The following NF1 variants were observed in gnomAD, a reference collection of about 807,000 sequenced individuals.
NF1 encodes the protein neurofibromin 1.
Under a neutral mutation model 325.7 loss-of-function variants are expected in NF1, and 122 were observed. The ratio of observed to expected loss-of-function variants is 0.37; its 90% CI spans 0.32 to 0.44. The LOEUF is 0.44. Ranked by LOEUF, NF1 falls within the 20% of genes least tolerant of loss-of-function variation. NF1 has a pLI of 1.00. For synonymous variants in NF1, 1,091 were observed against 1,186.0 expected (o/e 0.92, Z 1.65); for missense variants, 2,140 against 3,415.4 (o/e 0.63, Z 9.31).
At chr17:31,156,584 A>AT (rs937200622) in intron 2 of NF1, among the ~76,000 whole-genome samples, 2 of 152,120 alleles carry the variant, frequency 1.3e-5, no homozygotes, top group African/African-American at 2.4e-5. Flanking sequence ...ATGTGGATTG[A>AT]TTTTTTTATG....
At chr17:31,320,340 AT>A in intron 36 of NF1, 3 of 1,425,006 alleles carry the variant, frequency 2.1e-6, no homozygotes, top group East Asian at 2.4e-5. Flanking sequence ...GAGTCCTTTT[AT>A]TTAAAAAAAA....
intron 36 of NF1, chr17:31,304,097 T>A (rs111521319): frequency 1.7e-6 from 1 of 596,660 alleles, no homozygotes; most frequent in South Asian, 2.8e-5. Flanking sequence ...AAATAACTTT[T>A]TTTAAAAAAA....
At chr17:31,345,743 C>T (rs2854312) in intron 48 of NF1, 715,483 of 1,490,188 alleles carry the variant, frequency 0.48, 125,400 homozygotes, top group Middle Eastern at 0.52. Flanking sequence ...TAATGATGTC[C>T]GAGTTGGAGA....
At chr17:31,235,049 C>A (rs2067176862) in intron 27 of NF1, among the ~76,000 whole-genome samples, 1 of 152,014 alleles carries the variant, frequency 6.6e-6, no homozygotes, top group Non-Finnish European at 1.5e-5. Context: ...TCCTTGTGAC[C>A]CTAGCTTTGT....
chr17:31,247,018 A>G lies in NF1; in HGVS notation c.3975-1966A>G, dbSNP rs147650932. 9.5e-3 allele frequency among the ~76,000 whole-genome samples: 1,442 copies of G among 152,098 alleles called. 24 individuals carry two copies. Among genetic ancestry groups the G allele is most frequent in the African/African-American group, 0.033 (1,358 of 41,450 alleles). On this transcript the variant is annotated intron_variant, in intron 29 of 57. Coordinates refer to ENST00000358273, the MANE Select transcript of NF1 (RefSeq NM_001042492.3). ...TAGACCATGCCGGCCAACATGGTGA[A>G]ACCTTGTCTCTACTAAAAATACAAA...
intron 14 of NF1, among the ~76,000 whole-genome samples, chr17:31,220,154 A>G (rs2066897242): frequency 6.6e-6 from 1 of 152,192 alleles, no homozygotes; most frequent in Non-Finnish European, 1.5e-5. Context: ...TTATATTCCC[A>G]GTAACAACAT....
Position 31,215,775 on chromosome 17 carries a change from G to A in NF1, c.1527+1190G>A, listed in dbSNP as rs576366684. Among the ~76,000 whole-genome samples the A allele has an allele frequency of 1.7e-4, 26 of 152,252 alleles. 1 individual carries two copies. The South Asian group carries it at 5.4e-3, about 32-fold the overall frequency. ...TTCTTATCGTTTTGCTCAGTAACTG[G>A]CTTTTTAAAAAGTGTTAAGGTGCTT... On this transcript the variant is annotated intron_variant, in intron 13 of 57. Coordinates refer to ENST00000358273, the MANE Select transcript of NF1 (RefSeq NM_001042492.3).
chr17:31,106,043 CTT>C (rs1235416514), intron 1 of NF1, among the ~76,000 whole-genome samples: 4 of 152,172 alleles, frequency 2.6e-5, no homozygotes, highest in Non-Finnish European at 4.4e-5. Context: ...AGTGGTGACA[CTT>C]TTCTGTTGAC....
intron 1 of NF1, among the ~76,000 whole-genome samples, chr17:31,141,176 A>G (rs1488734656): frequency 1.3e-5 from 2 of 152,168 alleles, no homozygotes; most frequent in Non-Finnish European, 2.9e-5. Context: ...ACATCCCAAG[A>G]TATCAGCTTA....
At chr17:31,274,845 A>G (rs934008714) in intron 36 of NF1, among the ~76,000 whole-genome samples, 16 of 152,142 alleles carry the variant, frequency 1.1e-4, no homozygotes, top group African/African-American at 3.6e-4. Context: ...ACAACTCTTT[A>G]TTGATGCTTC....
At chr17:31,344,083 CTAAG>C (rs1555535546) in intron 48 of NF1, among the ~76,000 whole-genome samples, 2 of 152,014 alleles carry the variant, frequency 1.3e-5, no homozygotes, top group African/African-American at 2.4e-5. Flanking sequence ...CTGCAAATCA[CTAAG>C]TGTTATTTGA....
chr17:31,367,204 T>C, intron 57 of NF1: 1 of 1,304,500 alleles, frequency 7.7e-7, no homozygotes, highest in Non-Finnish European at 1.0e-6. Context: ...CTTGCTTTTT[T>C]TTCTTCCATT....
At chr17:31,345,835 T>C (rs2069962636) in intron 48 of NF1, 1 of 1,613,792 alleles carries the variant, frequency 6.2e-7, no homozygotes, top group East Asian at 2.2e-5. Flanking sequence ...ATCTGTGAAG[T>C]GGATCTAGTG....
At chr17:31,345,372 T>A in intron 48 of NF1, 2 of 1,142,968 alleles carry the variant, frequency 1.7e-6, no homozygotes, top group Non-Finnish European at 2.4e-6. Flanking sequence ...CTTAAAAGTC[T>A]CTCCTTCCCC....
At chr17:31,363,885 T>G (rs972971991) in intron 57 of NF1, among the ~76,000 whole-genome samples, 7 of 151,912 alleles carry the variant, frequency 4.6e-5, no homozygotes, top group Non-Finnish European at 8.8e-5. Flanking sequence ...GAATTACAAG[T>G]GCACACCACC....
At position 31,095,533 on chromosome 17, in the gene NF1, G is replaced by T. The variant is rs1911594352; in HGVS notation, c.60+164G>T. 5 of 686,188 alleles carry T rather than the reference G, an allele frequency of 7.3e-6. No homozygotes were observed. The East Asian group carries it at 1.4e-4, about 20-fold the overall frequency. 42.5% of individuals were successfully genotyped at this position (686,188 alleles called of 1,614,324 possible). ...GGGGGGATAAGTGGGGGTGGCCAAGGCGGGAGGTGAGGGGTAGGAGGGGAC... is the reference window on the plus strand; with the variant it reads ...GGGGGGATAAGTGGGGGTGGCCAAGTCGGGAGGTGAGGGGTAGGAGGGGAC... On this transcript the variant is annotated intron_variant, in intron 1 of 57. Transcript: ENST00000358273.
intron 36 of NF1, among the ~76,000 whole-genome samples, chr17:31,311,607 A>G (rs1476854527): frequency 2.0e-5 from 3 of 152,212 alleles, no homozygotes; most frequent in Middle Eastern, 3.2e-3. Flanking sequence ...ATCTTGTATC[A>G]TGATAGTGAC....
chr17:31,295,795 C>T (rs949350384), intron 36 of NF1: 1 of 1,614,094 alleles, frequency 6.2e-7, no homozygotes, highest in South Asian at 1.1e-5. Flanking sequence ...GAATTTGTGT[C>T]AAAGAATTAT....
intron 5 of NF1, among the ~76,000 whole-genome samples, chr17:31,173,489 G>C (rs890940005): frequency 1.2e-4 from 18 of 151,902 alleles, no homozygotes; most frequent in African/African-American, 3.9e-4. Context: ...CCAGCTACTC[G>C]GGTGGCCGAG....
Sources: allele counts gnomAD v4.1 joint callset (sites outside exome capture counted in the v4.1 genomes callset), GRCh38; gene constraint gnomAD v4.1.1; transcripts MANE v1.5; gene names NCBI Gene and HGNC (gene_info 2026-07-23, HGNC 2026-07-21).